The following PTPRD variants were observed in gnomAD, a reference collection of about 807,000 sequenced individuals.
The protein encoded by PTPRD is protein tyrosine phosphatase receptor type D, also known as receptor-type tyrosine-protein phosphatase delta.
PTPRD carries 34 observed loss-of-function variants against 214.5 expected under a neutral mutation model. That is an observed-to-expected ratio of 0.16 (90% confidence interval 0.12 to 0.21). PTPRD has a LOEUF of 0.21. PTPRD is among the 10% of genes least tolerant of loss of function. PTPRD has a pLI of 1.00. For synonymous variants in PTPRD, 1,128 were observed against 845.7 expected (o/e 1.33, Z -5.79); for missense variants, 2,545 against 2,398.7 (o/e 1.06, Z -1.27).
chr9:9,478,907 A>T (rs953392693), intron 8 of PTPRD, among the ~76,000 whole-genome samples: 1 of 152,166 alleles, frequency 6.6e-6, no homozygotes, highest in Non-Finnish European at 1.5e-5. Flanking sequence ...GCTTTCACAT[A>T]CCGGGAGAAA....
At chr9:9,040,258 C>T (rs534372374) in intron 10 of PTPRD, among the ~76,000 whole-genome samples, 1 of 152,250 alleles carries the variant, frequency 6.6e-6, no homozygotes, top group Non-Finnish European at 1.5e-5. Context: ...AAAGCAGGTG[C>T]TCAGATTCAG....
chr9:9,555,859 C>T (rs531112556), intron 8 of PTPRD, among the ~76,000 whole-genome samples: 19 of 152,134 alleles, frequency 1.2e-4, no homozygotes, highest in African/African-American at 2.6e-4. Flanking sequence ...GCAAAACTAA[C>T]GAATACACCT....
intron 21 of PTPRD, among the ~76,000 whole-genome samples, chr9:8,517,484 T>G (rs1483600142): frequency 6.6e-6 from 1 of 152,210 alleles, no homozygotes. Flanking sequence ...CATCCAATCT[T>G]ACACAAATTA....
chr9:9,094,226 G>A (rs941468882), intron 10 of PTPRD, among the ~76,000 whole-genome samples: 3 of 152,088 alleles, frequency 2.0e-5, no homozygotes, highest in South Asian at 2.1e-4. Flanking sequence ...ACATGCACAC[G>A]CATATTTATA....
chr9:10,320,215 T>C (rs1246420082), intron 3 of PTPRD, among the ~76,000 whole-genome samples: 1 of 152,048 alleles, frequency 6.6e-6, no homozygotes, highest in African/African-American at 2.4e-5. Flanking sequence ...ACATGTACAT[T>C]GCATTATGAA....
At chr9:10,318,137 T>C (rs2096480771) in intron 3 of PTPRD, among the ~76,000 whole-genome samples, 1 of 152,060 alleles carries the variant, frequency 6.6e-6, no homozygotes, top group Non-Finnish European at 1.5e-5. Context: ...TCATGACTAT[T>C]GCAATATGGA....
chr9:10,169,330 C>T (rs1325791223), intron 3 of PTPRD, among the ~76,000 whole-genome samples: 6 of 151,184 alleles, frequency 4.0e-5, no homozygotes, highest in Admixed American at 3.3e-4. Context: ...AAAAATTAGC[C>T]GGGCGTGGTG....
At chr9:9,473,904 T>C (rs188715503) in intron 8 of PTPRD, among the ~76,000 whole-genome samples, 11 of 152,176 alleles carry the variant, frequency 7.2e-5, no homozygotes, top group Non-Finnish European at 1.3e-4. Context: ...TGCAATATTT[T>C]CTCTTAACCT....
At chr9:8,356,487 T>C (rs903726005) in intron 39 of PTPRD, among the ~76,000 whole-genome samples, 1 of 152,220 alleles carries the variant, frequency 6.6e-6, no homozygotes, top group Admixed American at 6.5e-5. Context: ...AAATGCAGTC[T>C]AGTTCATGCA....
chr9:8,388,414 G>C (rs1169763325), intron 37 of PTPRD, among the ~76,000 whole-genome samples: 1 of 152,152 alleles, frequency 6.6e-6, no homozygotes, highest in Non-Finnish European at 1.5e-5. Flanking sequence ...TTCAATGAAA[G>C]TATCTGCTGT....
chr9:8,936,940 A>C (rs1324027506), intron 11 of PTPRD, among the ~76,000 whole-genome samples: 2 of 152,214 alleles, frequency 1.3e-5, no homozygotes, highest in Non-Finnish European at 2.9e-5. Flanking sequence ...ATCCATTCTT[A>C]TCAACTCATC....
chr9:9,778,857 A>T (rs1479028662), intron 5 of PTPRD, among the ~76,000 whole-genome samples: 2 of 152,016 alleles, frequency 1.3e-5, no homozygotes, highest in Non-Finnish European at 2.9e-5. Context: ...TTAGAAAAAA[A>T]TTTCTAAAAT....
intron 9 of PTPRD, among the ~76,000 whole-genome samples, chr9:9,190,617 G>C (rs552242129): frequency 6.6e-6 from 1 of 152,068 alleles, no homozygotes; most frequent in South Asian, 2.1e-4. Flanking sequence ...TGATGACATA[G>C]CACAAAAGCC....
intron 14 of PTPRD, among the ~76,000 whole-genome samples, chr9:8,571,698 G>A (rs1487077382): frequency 6.6e-6 from 1 of 152,022 alleles, no homozygotes; most frequent in Non-Finnish European, 1.5e-5. Context: ...TAGTGTAAGT[G>A]GGTTCTTCCA....
intron 35 of PTPRD, among the ~76,000 whole-genome samples, chr9:8,424,899 A>C (rs540569219): frequency 8.9e-4 from 136 of 152,236 alleles, no homozygotes; most frequent in African/African-American, 3.2e-3. Flanking sequence ...TTTTAAGCTA[A>C]AGCCAAATAC....
At chr9:8,894,070 T>C (rs10977337) in intron 11 of PTPRD, among the ~76,000 whole-genome samples, 42,126 of 151,916 alleles carry the variant, frequency 0.28, 6,291 homozygotes, top group East Asian at 0.55. Flanking sequence ...ATAACCAATC[T>C]AGGCCAGGTG....
intron 5 of PTPRD, among the ~76,000 whole-genome samples, chr9:9,898,424 C>G (rs554484313): frequency 6.6e-6 from 1 of 151,984 alleles, no homozygotes; most frequent in Non-Finnish European, 1.5e-5. Flanking sequence ...CTGTTCATTT[C>G]CACTGAAATG....
chr9:8,564,390 T>C (rs905539075), intron 14 of PTPRD, among the ~76,000 whole-genome samples: 1 of 152,104 alleles, frequency 6.6e-6, no homozygotes, highest in African/African-American at 2.4e-5. Context: ...GTTTCAACAA[T>C]CTTTTTAAAA....
At chr9:8,477,093 A>C (rs10977148) in intron 30 of PTPRD, among the ~76,000 whole-genome samples, 10,690 of 152,022 alleles carry the variant, frequency 0.07, 483 homozygotes, top group Non-Finnish European at 0.089. Flanking sequence ...CAACCAAATC[A>C]TATGAGCTGA....
Sources: allele counts gnomAD v4.1 joint callset (sites outside exome capture counted in the v4.1 genomes callset), GRCh38; gene constraint gnomAD v4.1.1; transcripts MANE v1.5; gene names NCBI Gene and HGNC (gene_info 2026-07-23, HGNC 2026-07-21).